The following ATP9B variants were observed in gnomAD, a reference collection of about 807,000 sequenced individuals.
ATP9B encodes the protein ATPase phospholipid transporting 9B, also known as probable phospholipid-transporting ATPase IIB.
In ATP9B, 110 loss-of-function variants were observed where a neutral mutation model predicts 146.1. That is an observed-to-expected ratio of 0.75 (90% confidence interval 0.65 to 0.88). The LOEUF (loss-of-function observed/expected upper bound fraction) is 0.88. Among genes scored for constraint, ATP9B ranks in the 40% least tolerant of loss-of-function variants. The pLI, the probability that ATP9B is intolerant of heterozygous loss-of-function variation, is 0.00. For missense variants in ATP9B, 1,499 were observed against 1,496.4 expected (o/e 1.00, Z -0.03); for synonymous variants, 604 against 569.7 (o/e 1.06, Z -0.86).
chr18:79,348,046 A>T (rs1008468504), intron 24 of ATP9B, 86 bp from the exon 25 acceptor site: 115 of 1,603,614 alleles, frequency 7.2e-5, no homozygotes, highest in Non-Finnish European at 9.0e-5. Context: ...GGCTGTGCTT[A>T]GGAGTTAGCG....
At chr18:79,215,942 A>G (rs1173906523) in intron 11 of ATP9B, among the ~76,000 whole-genome samples, 3 of 152,158 alleles carry the variant, frequency 2.0e-5, no homozygotes, top group African/African-American at 7.2e-5. Flanking sequence ...TGCTCGCCTC[A>G]GCCTCCCAAA....
chr18:79,249,260 C>T (rs2095999421), intron 11 of ATP9B, among the ~76,000 whole-genome samples: 1 of 152,160 alleles, frequency 6.6e-6, no homozygotes, highest in Admixed American at 6.5e-5. Context: ...TTAGATTATA[C>T]AGGCAATTAT....
At chr18:79,270,098 G>A (rs1481541860) in intron 12 of ATP9B, among the ~76,000 whole-genome samples, 1 of 152,138 alleles carries the variant, frequency 6.6e-6, no homozygotes, top group African/African-American at 2.4e-5. Context: ...TTTCTTCTTA[G>A]CCTTTTGGAG....
intron 1 of ATP9B, among the ~76,000 whole-genome samples, chr18:79,086,910 T>G (rs1395010104): frequency 6.6e-6 from 1 of 152,238 alleles, no homozygotes; most frequent in African/African-American, 2.4e-5. Context: ...CCTTTAAATT[T>G]TATTTATTCA....
intron 12 of ATP9B, among the ~76,000 whole-genome samples, chr18:79,274,944 G>T (rs1254917190): frequency 1.3e-5 from 2 of 152,218 alleles, no homozygotes; most frequent in African/African-American, 2.4e-5. Context: ...CGTGATTGAG[G>T]AGCAGCGCCC....
intron 14 of ATP9B, among the ~76,000 whole-genome samples, chr18:79,305,331 TA>T (rs1162037482): frequency 6.6e-6 from 1 of 152,232 alleles, no homozygotes; most frequent in Non-Finnish European, 1.5e-5. Flanking sequence ...CAGTCTGGCA[TA>T]AGCTTTACTG....
intron 5 of ATP9B, among the ~76,000 whole-genome samples, chr18:79,137,687 T>G (rs560565758): frequency 6.6e-6 from 1 of 152,332 alleles, no homozygotes; most frequent in African/African-American, 2.4e-5. Context: ...GCCCTGGCCC[T>G]TCCTTCAGCC....
chr18:79,226,448 G>A (rs138741544), intron 11 of ATP9B, among the ~76,000 whole-genome samples: 11 of 152,322 alleles, frequency 7.2e-5, no homozygotes, highest in East Asian at 1.9e-4. Context: ...GGTAGATGTC[G>A]CCTCTTCCAC....
At chr18:79,208,012 G>A (rs536121350) in intron 10 of ATP9B, among the ~76,000 whole-genome samples, 42 of 152,312 alleles carry the variant, frequency 2.8e-4, no homozygotes, top group African/African-American at 8.7e-4. Context: ...GTGGGAGGCC[G>A]AGGCGGGCGG....
rs776708241 is a variant in ATP9B at position 79,253,421 on chromosome 18, C to T, written c.1148C>T (p.Ala383Val). Residue 383 changes from alanine (A) to valine (V), a missense_variant, in exon 12 of 30, where the codon GCG (alanine) becomes GTG (valine). Coordinates refer to ENST00000426216, the MANE Select transcript of ATP9B (RefSeq NM_198531.5). ...LDLELNRLTK[A>V]LFLALVALSI... ...CTTGAACTCAATCGGCTGACGAAAG[C>T]GCTATTTTTGGCTTTAGTTGCTCTT... 8 of 1,612,640 alleles carry T rather than the reference C, an allele frequency of 5.0e-6. No individual in the cohort carries two copies. Among genetic ancestry groups the T allele is most frequent in the East Asian group, 2.2e-5 (1 of 44,840 alleles).
At chr18:79,141,701 A>G (rs1305539966) in intron 5 of ATP9B, among the ~76,000 whole-genome samples, 1 of 152,190 alleles carries the variant, frequency 6.6e-6, no homozygotes, top group Non-Finnish European at 1.5e-5. Flanking sequence ...ATATGTGCCC[A>G]GTGACTCTTA....
At chr18:79,287,936 T>A (rs370577741) in intron 13 of ATP9B, among the ~76,000 whole-genome samples, 1 of 151,420 alleles carries the variant, frequency 6.6e-6, no homozygotes, top group Non-Finnish European at 1.5e-5. Context: ...TTTGAGTGAG[T>A]TTCTTAATCC....
chr18:79,117,999 T>A (rs922247208), intron 4 of ATP9B: 1 of 152,254 alleles, frequency 6.6e-6, no homozygotes, highest in African/African-American at 2.4e-5. Context: ...TGGCTTAACA[T>A]TTGTTTATAA....
chr18:79,351,131 C>T (rs560913660), intron 25 of ATP9B, among the ~76,000 whole-genome samples: 1 of 152,346 alleles, frequency 6.6e-6, no homozygotes, highest in Admixed American at 6.5e-5. Context: ...TGAGTTTGAA[C>T]AGTGTGTTTC....
intron 12 of ATP9B, among the ~76,000 whole-genome samples, chr18:79,274,347 A>G: frequency 6.6e-6 from 1 of 152,206 alleles, no homozygotes; most frequent in East Asian, 1.9e-4. Flanking sequence ...AACGTTAAAG[A>G]GGAAATTGCT....
chr18:79,166,866 C>T (rs1340453974), intron 7 of ATP9B, among the ~76,000 whole-genome samples: 1 of 152,102 alleles, frequency 6.6e-6, no homozygotes, highest in Non-Finnish European at 1.5e-5. Context: ...CCCACGCCTG[C>T]CGAGGGTGAG....
intron 15 of ATP9B, among the ~76,000 whole-genome samples, chr18:79,307,753 T>C (rs1436940202): frequency 1.3e-5 from 2 of 152,230 alleles, no homozygotes; most frequent in Admixed American, 6.5e-5. Flanking sequence ...AAATTAGTTA[T>C]TTCTAACTTT....
chr18:79,227,039 A>T (rs1403308331), intron 11 of ATP9B, among the ~76,000 whole-genome samples: 1 of 152,046 alleles, frequency 6.6e-6, no homozygotes, highest in African/African-American at 2.4e-5. Context: ...GCATTGTCGT[A>T]TTGTGACTTG....
At chr18:79,200,794 T>TGGGGTCAGAGCAGAGGCGGAGGTGGGAAC (rs2095478668) in intron 9 of ATP9B, among the ~76,000 whole-genome samples, 1 of 920 alleles carries the variant, frequency 1.1e-3, no homozygotes, top group African/African-American at 3.3e-3. Context: ...GTGGTGGAAT[T>TGGGGTCAGAGCAGAGGCGGAGGTGGGAAC]GTTTTCATCA....
Sources: gnomAD v4.1 joint callset for allele counts (sites outside exome capture counted in the v4.1 genomes callset) on GRCh38, gnomAD v4.1.1 for gene constraint, MANE v1.5 for transcripts, NCBI Gene and HGNC (gene_info 2026-07-23, HGNC 2026-07-21) for gene names.